DGKH: variants seen among roughly 807,000 people sequenced by gnomAD.
DGKH encodes DAG kinase eta.
Under a neutral mutation model 159.3 loss-of-function variants are expected in DGKH, and 90 were observed. That is an observed-to-expected ratio of 0.57 (90% confidence interval 0.48 to 0.67). The LOEUF is 0.67. DGKH is among the 30% of genes least tolerant of loss of function. The pLI, the probability that DGKH is intolerant of heterozygous loss-of-function variation, is 0.00. For missense variants in DGKH, 1,181 were observed against 1,506.1 expected (o/e 0.78, Z 3.57); for synonymous variants, 536 against 553.8 (o/e 0.97, Z 0.45).
At chr13:42,128,423 A>G (rs998053106) in intron 2 of DGKH, among the ~76,000 whole-genome samples, 30 of 152,162 alleles carry the variant, frequency 2.0e-4, no homozygotes, top group African/African-American at 7.2e-4. Context: ...ACCATGTAAA[A>G]TAATCTTATT....
intron 1 of DGKH, among the ~76,000 whole-genome samples, chr13:42,107,926 G>C (rs1954791799): frequency 6.6e-6 from 1 of 152,104 alleles, no homozygotes; most frequent in African/African-American, 2.4e-5. Context: ...AAGGGATTTT[G>C]TCCTATTGTC....
chr13:42,185,076 A>C (rs988697639), intron 13 of DGKH, among the ~76,000 whole-genome samples: 1 of 152,118 alleles, frequency 6.6e-6, no homozygotes, highest in Non-Finnish European at 1.5e-5. Context: ...TAGTAAATAC[A>C]TCTTAAGATT....
intron 1 of DGKH, among the ~76,000 whole-genome samples, chr13:42,060,282 GTT>G (rs1322086011): frequency 6.6e-6 from 1 of 152,182 alleles, no homozygotes; most frequent in Non-Finnish European, 1.5e-5. Context: ...ATTGTCAAAT[GTT>G]TTTGTTTCCT....
chr13:42,062,466 C>T (rs146865411), intron 1 of DGKH, among the ~76,000 whole-genome samples: 4 of 152,194 alleles, frequency 2.6e-5, no homozygotes, highest in African/African-American at 7.2e-5. Context: ...AATTTGATCC[C>T]GGGTAGCCAG....
At chr13:42,202,204 CTT>C (rs1957363866) in intron 20 of DGKH, among the ~76,000 whole-genome samples, 1 of 152,112 alleles carries the variant, frequency 6.6e-6, no homozygotes, top group Non-Finnish European at 1.5e-5. Flanking sequence ...GTAGAGCACT[CTT>C]TGCCATCATT....
At chr13:42,070,994 A>G (rs1192051119) in intron 1 of DGKH, 4 of 1,319,704 alleles carry the variant, frequency 3.0e-6, no homozygotes, top group Admixed American at 3.4e-5. Context: ...GCAGAAAAAA[A>G]CAAGTAATTG....
In DGKH at chr13:42,199,994, T is replaced by A. The variant is rs1957309114; in HGVS notation, c.2493+85T>A. 11 of 1,118,274 alleles carry A rather than the reference T, an allele frequency of 9.8e-6. 1 individual carries two copies. The South Asian group carries it at 1.8e-4, about 18-fold the overall frequency. The allele number at this position is 1,118,274 out of a possible 1,614,324, so 69.3% of individuals were successfully genotyped here. ...TGGAGCTAATTTGACCTAAATGCGT[T>A]TTGATTAGCAATTAAATAAATATTC... On this transcript the variant is annotated intron_variant, in intron 20 of 29. Coordinates refer to ENST00000337343, the MANE Select transcript of DGKH (RefSeq NM_178009.5).
intron 3 of DGKH, among the ~76,000 whole-genome samples, chr13:42,137,724 G>C (rs554195746): frequency 1.9e-3 from 291 of 152,260 alleles, no homozygotes; most frequent in Non-Finnish European, 3.4e-3. Flanking sequence ...TTTTGGCACT[G>C]TACTTTAAAG....
At chr13:42,155,927 C>A in intron 5 of DGKH, 128 bp downstream of exon 5, 4 of 1,073,828 alleles carry the variant, frequency 3.7e-6, no homozygotes, top group Middle Eastern at 3.0e-4. Flanking sequence ...TATTTTTGCT[C>A]AGGAAAAAAA....
intron 26 of DGKH, among the ~76,000 whole-genome samples, chr13:42,218,523 T>C (rs1957871105): frequency 8.9e-6 from 1 of 111,890 alleles, no homozygotes; most frequent in African/African-American, 3.0e-5. Context: ...TTTTTTTTTT[T>C]TGAGTCAGAG....
intron 1 of DGKH, among the ~76,000 whole-genome samples, chr13:42,079,461 C>T (rs1954160757): frequency 6.6e-6 from 1 of 152,074 alleles, no homozygotes; most frequent in African/African-American, 2.4e-5. Context: ...CCCTCCTACC[C>T]TCTCGCCCCT....
intron 1 of DGKH, among the ~76,000 whole-genome samples, chr13:42,063,118 A>C (rs1461273854): frequency 1.3e-5 from 2 of 151,992 alleles, no homozygotes; most frequent in African/African-American, 4.8e-5. Context: ...GACTTCATGG[A>C]CCTTTGAAAA....
At chr13:42,221,117 C>G in intron 28 of DGKH, 147 bp from the exon 29 acceptor site, 1 of 1,044,316 alleles carries the variant, frequency 9.6e-7, no homozygotes, top group South Asian at 1.7e-5. Flanking sequence ...AAAAGTGGAA[C>G]TATGGTTTTG....
At chr13:42,085,886 C>T (rs1954291261) in intron 1 of DGKH, among the ~76,000 whole-genome samples, 3 of 152,092 alleles carry the variant, frequency 2.0e-5, no homozygotes, top group Non-Finnish European at 2.9e-5. Context: ...TACTGATACT[C>T]ATGCATGATG....
chr13:42,222,465 C>A lies in DGKH; in HGVS notation c.3573+1071C>A, dbSNP rs78835576. Among the ~76,000 whole-genome samples, 222 of 152,102 alleles carry A rather than the reference C, an allele frequency of 1.5e-3. 1 individual carries two copies. Among genetic ancestry groups the A allele is most frequent in the African/African-American group, 4.9e-3 (205 of 41,508 alleles). On this transcript the variant is annotated intron_variant, in intron 29 of 29. Coordinates refer to ENST00000337343, the MANE Select transcript of DGKH (RefSeq NM_178009.5). ...ACCACTTATACCTAAACAACTTTAG[C>A]CATAATAAAATAAAATAATTAATTA...
At chr13:42,132,964 C>T (rs142119444) in intron 3 of DGKH, among the ~76,000 whole-genome samples, 1,749 of 151,864 alleles carry the variant, frequency 0.012, 34 homozygotes, top group East Asian at 0.079. Context: ...GTCAGGAGAT[C>T]GAGACCATCC....
At chr13:42,205,934 CTG>C in intron 20 of DGKH, 103 bp from the exon 21 acceptor site, 1 of 539,508 alleles carries the variant, frequency 1.9e-6, no homozygotes, top group Non-Finnish European at 2.9e-6. Flanking sequence ...TACGAACACA[CTG>C]TGCTCCATTG....
chr13:42,227,217 A>G (rs1958154870), intron 29 of DGKH, among the ~76,000 whole-genome samples: 3 of 152,202 alleles, frequency 2.0e-5, no homozygotes, highest in Non-Finnish European at 2.9e-5. Flanking sequence ...ACTTTTACCT[A>G]TGTAACAAAC....
At chr13:42,165,537 G>C (rs1956290856) in intron 8 of DGKH, 104 bp downstream of exon 8, 1 of 573,192 alleles carries the variant, frequency 1.7e-6, no homozygotes, top group Non-Finnish European at 2.8e-6. Flanking sequence ...GACTATTGTA[G>C]TCAGTTTTTC....
Sources: gnomAD v4.1 joint callset for allele counts (sites outside exome capture counted in the v4.1 genomes callset) on GRCh38, gnomAD v4.1.1 for gene constraint, MANE v1.5 for transcripts, NCBI Gene and HGNC (gene_info 2026-07-23, HGNC 2026-07-21) for gene names.